DNAH9: variants seen among roughly 807,000 people sequenced by gnomAD.
DNAH9 encodes dynein axonemal heavy chain 9, also known as DNAH9 variant protein.
Under a neutral mutation model 471.6 loss-of-function variants are expected in DNAH9, and 345 were observed. The ratio of observed to expected loss-of-function variants is 0.73; its 90% CI spans 0.67 to 0.80. DNAH9 has a LOEUF of 0.80. DNAH9 is among the 30% of genes least tolerant of loss of function. The pLI, the probability that DNAH9 is intolerant of heterozygous loss-of-function variation, is 0.00. For missense variants in DNAH9, 5,407 were observed against 5,609.2 expected (o/e 0.96, Z 1.15); for synonymous variants, 2,093 against 2,123.6 (o/e 0.99, Z 0.40).
chr17:11,798,598 C>G lies in DNAH9; in HGVS notation c.8420+805C>G, dbSNP rs1969343283. Among the ~76,000 whole-genome samples the G allele has an allele frequency of 2.0e-5, 3 of 152,204 alleles. No homozygotes were observed. In the South Asian group the frequency reaches 6.2e-4, roughly 32 times the overall value. ...GCCTCCAAGACAGTCTAGCCTCACA[C>G]CAACACCATCCCTACCCTGCTTCTT... On this transcript the variant is annotated intron_variant, in intron 43 of 68. Transcript: ENST00000262442.
intron 61 of DNAH9, among the ~76,000 whole-genome samples, chr17:11,912,996 C>T (rs1266184716): frequency 6.6e-6 from 1 of 151,928 alleles, no homozygotes; most frequent in Admixed American, 6.6e-5. Context: ...GGTGAAACCC[C>T]ATCTCTACTA....
At chr17:11,858,810 A>G (rs976914744) in intron 50 of DNAH9, among the ~76,000 whole-genome samples, 1 of 152,162 alleles carries the variant, frequency 6.6e-6, no homozygotes, top group African/African-American at 2.4e-5. Flanking sequence ...AATGGCCGGC[A>G]CAGTGCCTCA....
chr17:11,914,490 A>G (rs1244360368), intron 61 of DNAH9, among the ~76,000 whole-genome samples: 2 of 152,016 alleles, frequency 1.3e-5, no homozygotes, highest in East Asian at 3.9e-4. Context: ...TTTATTTTCA[A>G]TTCTCCATCC....
intron 67 of DNAH9, among the ~76,000 whole-genome samples, chr17:11,950,690 T>C: frequency 6.6e-6 from 1 of 152,148 alleles, no homozygotes; most frequent in Non-Finnish European, 1.5e-5. Context: ...TCAAGCACAT[T>C]ATCTCTTCTT....
In DNAH9 at chr17:11,938,469, A is replaced by C. The variant is rs1384450051; in HGVS notation, c.12660+947A>C. 3.7e-5 allele frequency among the ~76,000 whole-genome samples: 5 copies of C among 136,800 alleles called. 1 individual carries two copies. The highest frequency in any genetic ancestry group is 1.1e-4 in the African/African-American group (4 of 37,466). 89.7% of individuals were successfully genotyped at this position (136,800 alleles called of 152,430 possible). On this transcript the variant is annotated intron_variant, in intron 66 of 68. Coordinates refer to ENST00000262442, the MANE Select transcript of DNAH9 (RefSeq NM_001372.4). ...CAAGACTGTCTCCAAAAAAAAAAAA[A>C]CAAAAAAAGAATGGGCCACCAAAGG...
chr17:11,790,726 ACCT>A (rs1420005844), intron 41 of DNAH9, among the ~76,000 whole-genome samples: 1 of 151,166 alleles, frequency 6.6e-6, no homozygotes, highest in Non-Finnish European at 1.5e-5. Flanking sequence ...TATCTATTCT[ACCT>A]CCTTTCTTCT....
At chr17:11,713,953 T>C (rs1597526818) in intron 26 of DNAH9, among the ~76,000 whole-genome samples, 1 of 152,224 alleles carries the variant, frequency 6.6e-6, no homozygotes, top group East Asian at 1.9e-4. Flanking sequence ...CTCTCAGTTC[T>C]GTCACATTTT....
intron 17 of DNAH9, among the ~76,000 whole-genome samples, chr17:11,675,809 C>T (rs774380170): frequency 5.9e-5 from 9 of 152,116 alleles, no homozygotes; most frequent in Non-Finnish European, 1.3e-4. Context: ...TTTCAATATA[C>T]TCTCTGGCTT....
At chr17:11,957,076 G>A (rs913585510) in intron 67 of DNAH9, among the ~76,000 whole-genome samples, 2 of 151,976 alleles carry the variant, frequency 1.3e-5, no homozygotes, top group Non-Finnish European at 2.9e-5. Flanking sequence ...CAGGATGGAA[G>A]GGGAGATATC....
Position 11,713,780 on chromosome 17 carries a change from T to C in DNAH9, c.5553-5554T>C, listed in dbSNP as rs559268168. ...TCATTTACTACCCTGTATTACAAAT[T>C]CTAAAAGTTTTACTCTTGATTTTCT... On this transcript the variant is annotated intron_variant, in intron 26 of 68. Transcript: ENST00000262442. Among the ~76,000 whole-genome samples the C allele has an allele frequency of 2.6e-5, 4 of 152,328 alleles. No homozygotes were observed. The South Asian group carries it at 8.3e-4, about 32-fold the overall frequency.
chr17:11,942,000 C>G (rs536385142), intron 66 of DNAH9, among the ~76,000 whole-genome samples: 7 of 152,212 alleles, frequency 4.6e-5, no homozygotes, highest in African/African-American at 1.4e-4. Context: ...CCACAGCCAA[C>G]TGGATCAGCC....
intron 68 of DNAH9, among the ~76,000 whole-genome samples, chr17:11,967,905 A>C (rs890358715): frequency 4.3e-4 from 65 of 152,366 alleles, no homozygotes; most frequent in African/African-American, 1.3e-3. Context: ...GAGAATAAAA[A>C]GATCAACCCA....
rs997109821 is a variant in DNAH9, at chr17:11,891,362, TTTTG to T, written c.11113-403_11113-400del. On this transcript the variant is annotated intron_variant, in intron 57 of 68. Coordinates refer to ENST00000262442, the MANE Select transcript of DNAH9 (RefSeq NM_001372.4). ...TTTGGGAAAACATTTCTTTGGTTTT[TTTTG>T]TTTGTTTGTTTTTCTTTTTGAGACA... 5.3e-5 allele frequency among the ~76,000 whole-genome samples: 8 copies of T among 152,170 alleles called. No individual in the cohort carries two copies. The East Asian group carries it at 5.8e-4, about 11-fold the overall frequency.
At chr17:11,849,286 C>T (rs1033768785) in intron 49 of DNAH9, among the ~76,000 whole-genome samples, 1 of 152,222 alleles carries the variant, frequency 6.6e-6, no homozygotes, top group African/African-American at 2.4e-5. Flanking sequence ...TCCTGACTCT[C>T]TTGTTCCTCA....
At chr17:11,803,864 G>A (rs1260643640) in intron 43 of DNAH9, among the ~76,000 whole-genome samples, 2 of 152,118 alleles carry the variant, frequency 1.3e-5, no homozygotes, top group African/African-American at 4.8e-5. Context: ...ATCCTTTCCT[G>A]CCCCAACTTT....
At chr17:11,825,842 T>C (rs1970470209) in intron 48 of DNAH9, among the ~76,000 whole-genome samples, 1 of 152,128 alleles carries the variant, frequency 6.6e-6, no homozygotes, top group African/African-American at 2.4e-5. Flanking sequence ...GCACAAAATA[T>C]TCTATAATGA....
At position 11,654,126 on chromosome 17, in the gene DNAH9, C is replaced by T. The variant is rs1487200259; in HGVS notation, c.2595+1124C>T. Among the ~76,000 whole-genome samples the T allele has an allele frequency of 6.0e-5, 4 of 66,702 alleles. 1 individual carries two copies. The highest frequency in any genetic ancestry group is 7.3e-5 in the Non-Finnish European group (2 of 27,392). 43.8% of individuals were successfully genotyped at this position (66,702 alleles called of 152,430 possible). A position where few individuals can be genotyped will look rare whatever the true frequency, so the allele number is the denominator to read the frequency against. On this transcript the variant is annotated intron_variant, in intron 14 of 68. Transcript: ENST00000262442. ...ATCCCAGCACTTTGGGAGGCCGAGG[C>T]GGGCGGATCACGAGGTCAGGAGATC...
In DNAH9 at chr17:11,942,409, T is replaced by G. The variant is rs527329501; in HGVS notation, c.12767T>G (p.Phe4256Cys). Residue 4256 changes from phenylalanine (F) to cysteine (C), a missense_variant, in exon 67 of 69, where the codon TTC (phenylalanine) becomes TGC (cysteine). Transcript: ENST00000262442. ...EERTPYIVVA[F>C]QECGRMNILT... ...CGCACCCCTTACATTGTAGTTGCCT[T>G]CCAGGAGTGTGGCCGGATGAATATC... 6.2e-7 allele frequency: 1 copy of G among 1,614,196 alleles called. No homozygotes were observed. Among genetic ancestry groups the G allele is most frequent in the African/African-American group, 1.3e-5 (1 of 75,060 alleles).
At chr17:11,898,799 T>G (rs1973304864) in intron 59 of DNAH9, among the ~76,000 whole-genome samples, 1 of 152,220 alleles carries the variant, frequency 6.6e-6, no homozygotes, top group Admixed American at 6.5e-5. Context: ...TCACAAGCAC[T>G]CTTCAGTACT....
Sources: gnomAD v4.1 joint callset for allele counts (sites outside exome capture counted in the v4.1 genomes callset) on GRCh38, gnomAD v4.1.1 for gene constraint, MANE v1.5 for transcripts, NCBI Gene and HGNC (gene_info 2026-07-23, HGNC 2026-07-21) for gene names.